Variants in DCAF8L2 observed in about 807,000 individuals in gnomAD.
DCAF8L2 encodes the protein DDB1 and CUL4 associated factor 8 like 2.
For missense variants in DCAF8L2, 430 were observed against 490.7 expected, an observed-to-expected ratio of 0.88 and a Z score of 1.17; for synonymous variants, 200 against 190.9, an observed-to-expected ratio of 1.05 and a Z score of -0.39.
intron 4 of DCAF8L2, among the ~76,000 whole-genome samples, chrX:27,720,381 T>A (rs1411092612): frequency 2.7e-5 from 3 of 111,400 alleles, no homozygotes; most frequent in African/African-American, 9.8e-5. Flanking sequence ...TATTATTTTT[T>A]TTTGAGACGG....
chrX:27,689,411 ATTTTTTGTATTTT>A (rs903129354), intron 3 of DCAF8L2, among the ~76,000 whole-genome samples: 3 of 111,481 alleles, frequency 2.7e-5, no homozygotes, highest in African/African-American at 6.5e-5. Context: ...CACCCAGCTA[ATTTTTTGTATTTT>A]TAGTAGAGAC....
the DCAF8L2 span, among the ~76,000 whole-genome samples, chrX:27,502,376 ATT>A: frequency 1.6e-3 from 124 of 75,277 alleles, 1 homozygote; most frequent in Middle Eastern, 6.3e-3. Context: ...ATATATATAT[ATT>A]GGCTGTGCAT....
chrX:27,514,682 A>AAAC, the DCAF8L2 span, among the ~76,000 whole-genome samples: 24,741 of 60,894 alleles, frequency 0.41, 6,008 homozygotes, highest in South Asian at 0.57. Context: ...AAAAAAAAAA[A>AAAC]AAAAAAAAAA....
the DCAF8L2 span, among the ~76,000 whole-genome samples, chrX:27,551,495 C>A: frequency 9.1e-6 from 1 of 110,467 alleles, no homozygotes; most frequent in Non-Finnish European, 1.9e-5. Context: ...CACTGAGATA[C>A]GAAAAAAATG....
chrX:27,637,423 T>G lies in DCAF8L2; in HGVS notation c.-220+5423T>G, dbSNP rs930350468. Among the ~76,000 whole-genome samples, 9 of 112,074 alleles carry G rather than the reference T, an allele frequency of 8.0e-5. No homozygotes were observed. The East Asian group carries it at 2.3e-3, about 28-fold the overall frequency. On this transcript the variant is annotated intron_variant, in intron 2 of 4. Coordinates refer to ENST00000451261, the MANE Select transcript of DCAF8L2 (RefSeq NM_001353450.2). Reference sequence around the variant, plus strand: ...TATGCTCTTACCCAATCAGATTGTCTGCTTGACTGAATTTCCACATGTCAC... The same window carrying G: ...TATGCTCTTACCCAATCAGATTGTCGGCTTGACTGAATTTCCACATGTCAC...
chrX:27,625,824 C>CA (rs1388424527), intron 1 of DCAF8L2, among the ~76,000 whole-genome samples: 1 of 110,020 alleles, frequency 9.1e-6, no homozygotes, highest in South Asian at 3.9e-4. Flanking sequence ...CACATGAACA[C>CA]AAAAAAAGGA....
At chrX:27,721,150 A>G (rs923645716) in intron 4 of DCAF8L2, among the ~76,000 whole-genome samples, 1 of 111,557 alleles carries the variant, frequency 9.0e-6, no homozygotes, top group East Asian at 2.8e-4. Flanking sequence ...TTATTTTTCA[A>G]TCAAATTGTA....
chrX:27,615,824 C>T (rs910317379), intron 1 of DCAF8L2, among the ~76,000 whole-genome samples: 2 of 111,194 alleles, frequency 1.8e-5, no homozygotes, highest in African/African-American at 6.5e-5. Flanking sequence ...GTCATTAAAA[C>T]CTCTTAAAGT....
At chrX:27,474,812 G>T in the DCAF8L2 span, among the ~76,000 whole-genome samples, 3 of 111,558 alleles carry the variant, frequency 2.7e-5, no homozygotes, top group Non-Finnish European at 5.6e-5. Flanking sequence ...ATGTGTTTAT[G>T]CACTGCTTAG....
At chrX:27,612,913 G>A (rs968213528) in intron 1 of DCAF8L2, among the ~76,000 whole-genome samples, 5 of 111,722 alleles carry the variant, frequency 4.5e-5, no homozygotes, top group Non-Finnish European at 9.4e-5. Context: ...TTTTGCTGAG[G>A]ATTGTCTTGG....
intron 2 of DCAF8L2, among the ~76,000 whole-genome samples, chrX:27,662,882 C>G (rs1285105061): frequency 1.8e-5 from 2 of 111,241 alleles, no homozygotes; most frequent in Non-Finnish European, 3.8e-5. Flanking sequence ...GTTCAGTGTA[C>G]CTTTCATATT....
chrX:27,716,803 A>G (rs769696448), intron 4 of DCAF8L2, among the ~76,000 whole-genome samples: 1 of 111,809 alleles, frequency 8.9e-6, no homozygotes, highest in Non-Finnish European at 1.9e-5. Flanking sequence ...GGTATGTCAT[A>G]GTGGTTTACT....
chrX:27,608,781 CA>C (rs1279528746), intron 1 of DCAF8L2, among the ~76,000 whole-genome samples: 1 of 110,003 alleles, frequency 9.1e-6, no homozygotes, highest in African/African-American at 3.3e-5. Context: ...CCCTCTATTC[CA>C]GCCTTTCACA....
chrX:27,573,311 G>A, the DCAF8L2 span, among the ~76,000 whole-genome samples: 2 of 108,672 alleles, frequency 1.8e-5, no homozygotes, highest in Non-Finnish European at 3.8e-5. Context: ...AACATCAGCA[G>A]GTAGAGTGAC....
At chrX:27,548,703 T>C in the DCAF8L2 span, among the ~76,000 whole-genome samples, 3 of 112,169 alleles carry the variant, frequency 2.7e-5, no homozygotes, top group African/African-American at 9.7e-5. Flanking sequence ...TTGGCTATTA[T>C]TGATTATACT....
At chrX:27,510,709 T>C in the DCAF8L2 span, among the ~76,000 whole-genome samples, 2 of 110,274 alleles carry the variant, frequency 1.8e-5, no homozygotes, top group Admixed American at 9.8e-5. Context: ...ATTCTTATTA[T>C]CATAGAACAT....
chrX:27,534,493 G>A, the DCAF8L2 span, among the ~76,000 whole-genome samples: 109 of 112,029 alleles, frequency 9.7e-4, no homozygotes, highest in African/African-American at 2.9e-3. Context: ...GGTGGTTTGG[G>A]TAACACATTC....
intron 2 of DCAF8L2, among the ~76,000 whole-genome samples, chrX:27,648,786 A>G (rs1463792655): frequency 9.0e-6 from 1 of 111,303 alleles, no homozygotes; most frequent in African/African-American, 3.3e-5. Context: ...CTGTTAGTAT[A>G]ATAAGCCGAA....
At chrX:27,610,822 A>G (rs1011510367) in intron 1 of DCAF8L2, among the ~76,000 whole-genome samples, 1 of 112,641 alleles carries the variant, frequency 8.9e-6, no homozygotes, top group African/African-American at 3.2e-5. Context: ...ACTGTAGACT[A>G]TGGCACACTT....
Sources: gnomAD v4.1 joint callset for allele counts (sites outside exome capture counted in the v4.1 genomes callset) on GRCh38, gnomAD v4.1.1 for gene constraint, MANE v1.5 for transcripts, NCBI Gene and HGNC (gene_info 2026-07-23, HGNC 2026-07-21) for gene names.